Variants in RABGAP1L observed in about 807,000 individuals in gnomAD.
The protein encoded by RABGAP1L is rab GTPase-activating protein 1-like.
In RABGAP1L, 63 loss-of-function variants were observed where a neutral mutation model predicts 137.7. The observed-to-expected ratio is 0.46, with a 90% CI of 0.37 to 0.56. RABGAP1L has a LOEUF of 0.56. Among genes scored for constraint, RABGAP1L ranks in the 20% least tolerant of loss-of-function variants. The pLI, the probability that RABGAP1L is intolerant of heterozygous loss-of-function variation, is 0.00. For synonymous variants in RABGAP1L, 431 were observed against 433.7 expected, an observed-to-expected ratio of 0.99 and a Z score of 0.08; for missense variants, 1,095 against 1,244.0, an observed-to-expected ratio of 0.88 and a Z score of 1.80.
chr1:174,219,255 A>C lies in RABGAP1L; in HGVS notation c.98A>C (p.Asp33Ala). The change falls in exon 2 of 26, where the codon GAT becomes GCT. Residue 33 changes from aspartate to alanine, a missense_variant. Asp to Ala is a moderately radical substitution (Grantham distance 126). Transcript: ENST00000681986. The stretch of plus-strand genomic sequence containing the variant: ...TTTGTTTTGGTTCCTCAGTATGCAG[A>C]TGATAATTCTACAAAACATGAAGAA... The part of the protein sequence containing the change: ...EEFVLVPQYA[D>A]DNSTKHEEKP... 6.3e-7 allele frequency: 1 copy of C among 1,593,114 alleles called. No individual in the cohort carries two copies. Among genetic ancestry groups the C allele is most frequent in the East Asian group, 2.3e-5 (1 of 44,164 alleles).
chr1:174,484,141 C>G (rs1659404780), intron 13 of RABGAP1L, among the ~76,000 whole-genome samples: 1 of 152,178 alleles, frequency 6.6e-6, no homozygotes, highest in South Asian at 2.1e-4. Context: ...ATTTGCATTT[C>G]TCTGATGATC....
chr1:174,753,715 G>A (rs1684514782), intron 18 of RABGAP1L, among the ~76,000 whole-genome samples: 1 of 151,924 alleles, frequency 6.6e-6, no homozygotes, highest in South Asian at 2.1e-4. Context: ...CTCTCAACAG[G>A]GCTGGAATAA....
chr1:174,210,099 T>A (rs1668774455), intron 1 of RABGAP1L, among the ~76,000 whole-genome samples: 1 of 152,126 alleles, frequency 6.6e-6, no homozygotes, highest in Non-Finnish European at 1.5e-5. Context: ...CCTAAGTCCT[T>A]TTGAATGCTA....
intron 13 of RABGAP1L, among the ~76,000 whole-genome samples, chr1:174,401,719 C>T (rs896396105): frequency 1.3e-5 from 2 of 152,166 alleles, no homozygotes; most frequent in Non-Finnish European, 2.9e-5. Flanking sequence ...TACCTATACC[C>T]TATCCTTGAG....
chr1:174,196,422 C>T (rs188225343), intron 1 of RABGAP1L, among the ~76,000 whole-genome samples: 3,021 of 151,990 alleles, frequency 0.02, 49 homozygotes, highest in Non-Finnish European at 0.032. Context: ...GACGGGGTTT[C>T]GCTGTGTTAG....
At chr1:174,226,982 A>G (rs534979606) in intron 3 of RABGAP1L, among the ~76,000 whole-genome samples, 5 of 152,262 alleles carry the variant, frequency 3.3e-5, no homozygotes, top group African/African-American at 7.2e-5. Flanking sequence ...AAATGGCTCT[A>G]ACATATCAAA....
intron 14 of RABGAP1L, among the ~76,000 whole-genome samples, chr1:174,642,568 C>G (rs553126917): frequency 6.6e-6 from 1 of 152,138 alleles, no homozygotes; most frequent in Non-Finnish European, 1.5e-5. Context: ...ACTTTTAATT[C>G]AACTCTTTCT....
At chr1:174,577,527 C>T in intron 13 of RABGAP1L, among the ~76,000 whole-genome samples, 1 of 152,024 alleles carries the variant, frequency 6.6e-6, no homozygotes, top group East Asian at 1.9e-4. Flanking sequence ...GAGGATCCAG[C>T]AGAGGATTCT....
chr1:174,620,680 C>G (rs775058866), intron 13 of RABGAP1L, among the ~76,000 whole-genome samples: 31 of 151,946 alleles, frequency 2.0e-4, no homozygotes, highest in Non-Finnish European at 1.6e-4. Context: ...CAAGAGAAAG[C>G]AGGAAAGATC....
chr1:174,569,830 AGGTT>A (rs991904450), intron 13 of RABGAP1L, among the ~76,000 whole-genome samples: 2 of 152,170 alleles, frequency 1.3e-5, no homozygotes, highest in African/African-American at 4.8e-5. Flanking sequence ...CTGCTAGACA[AGGTT>A]GTTTGCATTT....
chr1:174,817,853 A>T (rs930986019), intron 19 of RABGAP1L, among the ~76,000 whole-genome samples: 1 of 152,214 alleles, frequency 6.6e-6, no homozygotes, highest in Non-Finnish European at 1.5e-5. Context: ...CATTCAAGAC[A>T]TAAAATTAAC....
intron 11 of RABGAP1L, among the ~76,000 whole-genome samples, chr1:174,325,026 A>G (rs921441153): frequency 6.6e-6 from 1 of 152,226 alleles, no homozygotes; most frequent in Non-Finnish European, 1.5e-5. Flanking sequence ...AAGAGATTAG[A>G]TTGAGAATAC....
At chr1:174,361,081 C>T (rs951030756) in intron 11 of RABGAP1L, among the ~76,000 whole-genome samples, 3 of 152,124 alleles carry the variant, frequency 2.0e-5, no homozygotes, top group African/African-American at 7.2e-5. Flanking sequence ...GGCATGAACC[C>T]GGGAGGCAGA....
chr1:174,341,917 C>A (rs1682008573), intron 11 of RABGAP1L, among the ~76,000 whole-genome samples: 1 of 152,090 alleles, frequency 6.6e-6, no homozygotes, highest in Non-Finnish European at 1.5e-5. Context: ...TAAGTACAAC[C>A]AGCCTTTAAA....
intron 13 of RABGAP1L, among the ~76,000 whole-genome samples, chr1:174,611,640 C>T (rs1334501641): frequency 6.6e-6 from 1 of 150,710 alleles, no homozygotes; most frequent in African/African-American, 2.5e-5. Context: ...TATAAATTAC[C>T]TTGGGCAGTA....
intron 19 of RABGAP1L, among the ~76,000 whole-genome samples, chr1:174,952,176 TAAAC>T (rs1224090691): frequency 1.3e-5 from 2 of 151,898 alleles, no homozygotes; most frequent in African/African-American, 2.4e-5. Context: ...AACTCCTAAA[TAAAC>T]AAAGCCCTTG....
rs1245225219 is a variant in RABGAP1L, at chr1:174,234,007, TG to T, written c.542+2653del. Among the ~76,000 whole-genome samples the T allele has an allele frequency of 2.9e-5, 4 of 138,192 alleles. No homozygotes were observed. In the South Asian group the frequency reaches 8.7e-4, roughly 30 times the overall value. 90.7% of individuals were successfully genotyped at this position (138,192 alleles called of 152,430 possible). The stretch of plus-strand genomic sequence containing the variant: ...ATAGTGGTTTTGATTTGCATTTCTC[TG>T]ATGGCCAGTGATGATGAGCATTTTT... On this transcript the variant is annotated intron_variant, in intron 4 of 25. Coordinates refer to ENST00000681986, the MANE Select transcript of RABGAP1L (RefSeq NM_001366446.1).
At chr1:174,420,761 A>G (rs992558834) in intron 13 of RABGAP1L, among the ~76,000 whole-genome samples, 8 of 144,628 alleles carry the variant, frequency 5.5e-5, no homozygotes, top group Non-Finnish European at 7.5e-5. Context: ...TGCAAGCTCC[A>G]CCTCCTGGGT....
intron 11 of RABGAP1L, among the ~76,000 whole-genome samples, chr1:174,330,291 A>AT (rs1050103855): frequency 2.0e-5 from 3 of 152,206 alleles, no homozygotes; most frequent in Admixed American, 6.5e-5. Context: ...AAGAAATCCT[A>AT]TTTATAAGTC....
Sources: allele counts gnomAD v4.1 joint callset (sites outside exome capture counted in the v4.1 genomes callset), GRCh38; gene constraint gnomAD v4.1.1; transcripts MANE v1.5; gene names NCBI Gene and HGNC (gene_info 2026-07-23, HGNC 2026-07-21).